The following THUMPD1 variants were observed in gnomAD, a reference collection of about 807,000 sequenced individuals.
THUMPD1 encodes the protein THUMP domain 1 NAT10 acetyltransferase adaptor.
A neutral mutation model predicts 31.6 loss-of-function variants in THUMPD1; 31 were observed. That is an observed-to-expected ratio of 0.98 (90% CI 0.74 to 1.32). THUMPD1 has a LOEUF of 1.32. Among genes scored for constraint, THUMPD1 ranks in the 40% most tolerant of loss-of-function variants. The probability of loss-of-function intolerance (pLI) is 0.00; values close to 1 mark genes in which losing one functional copy is unlikely to be tolerated. For synonymous variants in THUMPD1, 166 were observed against 158.2 expected, an observed-to-expected ratio of 1.05 and a Z score of -0.37; for missense variants, 446 against 427.8, an observed-to-expected ratio of 1.04 and a Z score of -0.38.
Position 20,741,574 on chromosome 16 carries a change from T to G in THUMPD1, c.166A>C (p.Lys56Gln). 1 of 1,514,844 alleles carries G rather than the reference T, an allele frequency of 6.6e-7. No individual in the cohort carries two copies. The allele number at this position is 1,514,844 out of a possible 1,614,324, so 93.8% of individuals were successfully genotyped here. The change falls in exon 1 of 4, where the codon AAG (lysine) becomes CAG (glutamine). Residue 56 changes from lysine to glutamine, a missense_variant. Lys to Gln is a moderately conservative substitution (Grantham distance 53, BLOSUM62 1). Coordinates refer to ENST00000396083, the MANE Select transcript of THUMPD1 (RefSeq NM_017736.5). ...ILITCNMNER[K>Q]CVEEAYSLLN... ...AGGCTGTAGGCCTCCTCCACGCACT[T>G]GCGCTCGTTCATATTGCAGGTGATG...
At chr16:20,741,340 C>A (rs1471435736) in intron 1 of THUMPD1, among the ~76,000 whole-genome samples, 169 bp downstream of exon 1, 5 of 152,250 alleles carry the variant, frequency 3.3e-5, no homozygotes, top group Non-Finnish European at 5.9e-5. Flanking sequence ...GCACCGAAGT[C>A]TGCGAGCGTC....
At position 20,736,194 on chromosome 16, in the gene THUMPD1, A is replaced by T. The variant is rs796094325; in HGVS notation, c.*686T>A. The T allele has an allele frequency of 7.9e-5, 12 of 152,274 alleles. No individual in the cohort carries two copies. The highest frequency in any genetic ancestry group is 2.9e-4 in the African/African-American group (12 of 41,546). The allele number at this position is 152,274 out of a possible 1,614,324, so 9.4% of individuals were successfully genotyped here. On this transcript the variant is annotated 3_prime_UTR_variant, in exon 4 of 4. Coordinates refer to ENST00000396083, the MANE Select transcript of THUMPD1 (RefSeq NM_017736.5). ...TTGAGAAGTAGCTTTCTTTATTAAG[A>T]CAGAATTTCTTTGTGTCCCTTGTTG... is the stretch of plus-strand genomic sequence containing the variant.
chr16:20,741,481 G>GGGGGGGGCC, intron 1 of THUMPD1, 28 bp downstream of exon 1: 3 of 1,308,412 alleles, frequency 2.3e-6, no homozygotes, highest in Non-Finnish European at 3.0e-6. Flanking sequence ...CTGGCAGCCG[G>GGGGGGGGCC]CCCGCCCGCC....
intron 1 of THUMPD1, among the ~76,000 whole-genome samples, chr16:20,741,076 C>T (rs2079915010): frequency 6.6e-6 from 1 of 151,970 alleles, no homozygotes; most frequent in Non-Finnish European, 1.5e-5. Context: ...CTACCCTGGG[C>T]CAAACAGTGA....
Position 20,741,481 on chromosome 16 carries a change from G to GCCCCCCCCCCCCC in THUMPD1, c.231+27_231+28insGGGGGGGGGGGGG. ...CTCCTCCCGCAAGGCCTGGCAGCCG[G>GCCCCCCCCCCCCC]CCCGCCCGCCCACCCCGGGACCGGT... On this transcript the variant is annotated intron_variant, in intron 1 of 3. Transcript: ENST00000396083. 18 of 1,308,414 alleles carry GCCCCCCCCCCCCC rather than the reference G, an allele frequency of 1.4e-5. 1 individual carries two copies. Among genetic ancestry groups the GCCCCCCCCCCCCC allele is most frequent in the South Asian group, 8.9e-5 (5 of 56,252 alleles). The allele number at this position is 1,308,414 out of a possible 1,614,324, so 81.1% of individuals were successfully genotyped here. A position where few individuals can be genotyped will look rare whatever the true frequency, so the allele number is the denominator to read the frequency against.
intron 1 of THUMPD1, among the ~76,000 whole-genome samples, chr16:20,741,165 GACA>G (rs2079916426): frequency 6.6e-6 from 1 of 152,202 alleles, no homozygotes; most frequent in Admixed American, 6.5e-5. Context: ...TGGAGGCTGA[GACA>G]GGAGAAGTCG....
Position 20,735,999 on chromosome 16 carries a change from G to A in THUMPD1, c.*881C>T, listed in dbSNP as rs1050335753. 1.3e-5 allele frequency: 2 copies of A among 152,096 alleles called. No homozygotes were observed. Among genetic ancestry groups the A allele is most frequent in the Non-Finnish European group, 2.9e-5 (2 of 68,000 alleles). 9.4% of individuals were successfully genotyped at this position (152,096 alleles called of 1,614,324 possible). A position where few individuals can be genotyped will look rare whatever the true frequency, so the allele number is the denominator to read the frequency against. On this transcript the variant is annotated 3_prime_UTR_variant, in exon 4 of 4. Coordinates refer to ENST00000396083, the MANE Select transcript of THUMPD1 (RefSeq NM_017736.5). ...AACCTTTTGACTAAAGGTGATTTCT[G>A]AACAAAAGCCTTACTGTTTTTGATA...
At position 20,737,955 on chromosome 16, in the gene THUMPD1, C is replaced by T. The variant is rs368769699; in HGVS notation, c.408G>A (p.Glu136=). 3.0e-4 allele frequency: 472 copies of T among 1,569,104 alleles called. 2 individuals are homozygous for T. The South Asian group carries it at 5.0e-3, about 17-fold the overall frequency. ...GAATATGATGCACCAATTTCTCAGGCTCTTAAGAAAAAAAAAAAGTTAAGA... is the reference window on the plus strand; with the variant it reads ...GAATATGATGCACCAATTTCTCAGGTTCTTAAGAAAAAAAAAAAGTTAAGA... ...NVVFIRTLGI[E]PEKLVHHILQ... is the part of the protein sequence containing the mutation. The change falls in exon 3 of 4, where the codon GAG becomes GAA. Residue 136 remains glutamate (E), a splice_region_variant and synonymous_variant. Coordinates refer to ENST00000396083, the MANE Select transcript of THUMPD1 (RefSeq NM_017736.5).
At chr16:20,741,048 T>G (rs1405453903) in intron 1 of THUMPD1, among the ~76,000 whole-genome samples, 2 of 152,082 alleles carry the variant, frequency 1.3e-5, no homozygotes, top group Non-Finnish European at 2.9e-5. Flanking sequence ...GAGGATCGCT[T>G]GAGTGTAGGG....
chr16:20,738,110 A>G, intron 2 of THUMPD1, 154 bp from the exon 3 acceptor site: 1 of 765,440 alleles, frequency 1.3e-6, no homozygotes, highest in Admixed American at 2.2e-5. Flanking sequence ...TCCAAACAGT[A>G]TTTCTTCAGT....
rs2079873981 is a variant in THUMPD1 at position 20,736,870 on chromosome 16, A to C, written c.*10T>G. The C allele has an allele frequency of 5.0e-6, 8 of 1,611,664 alleles. No individual in the cohort carries two copies. The highest frequency in any genetic ancestry group is 6.8e-6 in the Non-Finnish European group (8 of 1,178,260). On this transcript the variant is annotated 3_prime_UTR_variant, in exon 4 of 4. Transcript: ENST00000396083. ...AGGTGAGAAACCCACCTCCAACACC[A>C]AATGACTTCCTATGAGAAGTCATTT... is the stretch of plus-strand genomic sequence containing the variant.
rs145414851 is a variant in THUMPD1, at chr16:20,734,181, A to C, written c.*2699T>G. The C allele has an allele frequency of 6.6e-6, 1 of 152,660 alleles. No homozygotes were observed. Among genetic ancestry groups the C allele is most frequent in the East Asian group, 1.9e-4 (1 of 5,206 alleles). The allele number at this position is 152,660 out of a possible 1,614,324, so 9.5% of individuals were successfully genotyped here. A position where few individuals can be genotyped will look rare whatever the true frequency, so the allele number is the denominator to read the frequency against. ...CTTTCCGTAAAATAGCAGCTTTCACAAAGTAAAAACAATTTAGTTCCACAG... is the reference window on the plus strand; with the variant it reads ...CTTTCCGTAAAATAGCAGCTTTCACCAAGTAAAAACAATTTAGTTCCACAG... On this transcript the variant is annotated 3_prime_UTR_variant, in exon 4 of 4. Coordinates refer to ENST00000396083, the MANE Select transcript of THUMPD1 (RefSeq NM_017736.5).
rs1219839549 is a variant in THUMPD1, at chr16:20,741,729, G to C, written c.11C>G (p.Pro4Arg). 3 of 1,572,068 alleles carry C rather than the reference G, an allele frequency of 1.9e-6. No individual in the cohort carries two copies. In the African/African-American group the frequency reaches 4.0e-5, roughly 21 times the overall value. Residue 4 changes from proline to arginine, a missense_variant, in exon 1 of 4, where the codon CCT (proline) becomes CGT (arginine). By Grantham distance (103) the Pro-to-Arg change is moderately radical. Transcript: ENST00000396083. ...GCCAGGCTGAGTAGTCTGCTGGGCA[G>C]GGGCCGCCATGGTGTGCGCAAACTG... MAA[P>R]AQQTTQPGGG...
In THUMPD1 at chr16:20,741,547, G is replaced by C. The variant is rs749852619; in HGVS notation, c.193C>G (p.Leu65Val). The change falls in exon 1 of 4, where the codon CTC (leucine) becomes GTC (valine). Residue 65 changes from leucine to valine, a missense_variant. Physicochemically the swap from Leu to Val is conservative, Grantham distance 32 (BLOSUM62 1). Coordinates refer to ENST00000396083, the MANE Select transcript of THUMPD1 (RefSeq NM_017736.5). ...TACATGTCGTCGCCGTATTCGTTGA[G>C]GAGGCTGTAGGCCTCCTCCACGCAC... Reference protein sequence around the residue: ...RKCVEEAYSLLNEYGDDMYGP... With the variant: ...RKCVEEAYSLVNEYGDDMYGP... 1.3e-6 allele frequency: 2 copies of C among 1,544,332 alleles called. No individual in the cohort carries two copies. Among genetic ancestry groups the C allele is most frequent in the Non-Finnish European group, 1.8e-6 (2 of 1,142,576 alleles).
Position 20,741,779 on chromosome 16 carries a change from C to A in THUMPD1, c.-40G>T. The stretch of plus-strand genomic sequence containing the variant: ...GAGAGGAAAGAGAAACGTTTCTCCG[C>A]TGCTGTTGGCGTCCTCGTCTATCGC... On this transcript the variant is annotated 5_prime_UTR_variant, in exon 1 of 4. Coordinates refer to ENST00000396083, the MANE Select transcript of THUMPD1 (RefSeq NM_017736.5). The A allele has an allele frequency of 6.5e-7, 1 of 1,549,734 alleles. No homozygotes were observed.
At chr16:20,738,272 G>C (rs373536409) in intron 2 of THUMPD1, 1 of 459,532 alleles carries the variant, frequency 2.2e-6, no homozygotes, top group East Asian at 6.7e-5. Context: ...TTGTTTTCCT[G>C]TAACAACAGA....
rs368837394 is a variant in THUMPD1, at chr16:20,741,726, G to A, written c.14C>T (p.Ala5Val). MAAPAQQTTQPGGGK... is the reference protein window; with the variant it reads MAAPVQQTTQPGGGK... Reference sequence around the variant, plus strand: ...GCCGCCAGGCTGAGTAGTCTGCTGGGCAGGGGCCGCCATGGTGTGCGCAAA... The same window carrying A: ...GCCGCCAGGCTGAGTAGTCTGCTGGACAGGGGCCGCCATGGTGTGCGCAAA... Residue 5 changes from alanine to valine, a missense_variant, in exon 1 of 4, where the codon GCC (alanine) becomes GTC (valine). Ala to Val is a moderately conservative substitution (Grantham distance 64, BLOSUM62 0). Transcript: ENST00000396083. 48 of 1,572,738 alleles carry A rather than the reference G, an allele frequency of 3.1e-5. No homozygotes were observed. Among genetic ancestry groups the A allele is most frequent in the Non-Finnish European group, 4.0e-5 (46 of 1,158,790 alleles).
chr16:20,740,895 C>A (rs1221601630), intron 1 of THUMPD1, among the ~76,000 whole-genome samples: 1 of 152,212 alleles, frequency 6.6e-6, no homozygotes, highest in Non-Finnish European at 1.5e-5. Flanking sequence ...ATTACTCCAA[C>A]TTCACGAGGC....
rs770032383 is a variant in THUMPD1 at position 20,741,806 on chromosome 16, G to T, written c.-67C>A. ...GCTGTTGGCGTCCTCGTCTATCGCC[G>T]GCGCGAACTGGTGACGTCGGATATG... On this transcript the variant is annotated 5_prime_UTR_variant, in exon 1 of 4. Coordinates refer to ENST00000396083, the MANE Select transcript of THUMPD1 (RefSeq NM_017736.5). 3 of 1,543,494 alleles carry T rather than the reference G, an allele frequency of 1.9e-6. No individual in the cohort carries two copies. The highest frequency in any genetic ancestry group is 2.6e-6 in the Non-Finnish European group (3 of 1,146,846).
Sources: gnomAD v4.1 joint callset for allele counts (sites outside exome capture counted in the v4.1 genomes callset) on GRCh38, gnomAD v4.1.1 for gene constraint, MANE v1.5 for transcripts, NCBI Gene and HGNC (gene_info 2026-07-23, HGNC 2026-07-21) for gene names.